Variants in CDC45 observed in about 807,000 individuals in gnomAD.
The protein encoded by CDC45 is cell division control protein 45 homolog.
Under a neutral mutation model 77.8 loss-of-function variants are expected in CDC45, and 54 were observed. That is an observed-to-expected ratio of 0.69 (90% CI 0.56 to 0.87). The LOEUF (loss-of-function observed/expected upper bound fraction) is 0.87. CDC45 is among the 40% of genes least tolerant of loss of function. CDC45 has a pLI of 0.00. For synonymous variants in CDC45, 260 were observed against 272.1 expected (o/e 0.96, Z 0.44); for missense variants, 649 against 721.6 (o/e 0.90, Z 1.15).
chr22:19,506,238 C>A (rs1408853930), intron 10 of CDC45, among the ~76,000 whole-genome samples: 1 of 152,086 alleles, frequency 6.6e-6, no homozygotes, highest in Non-Finnish European at 1.5e-5. Flanking sequence ...GTGGACACGT[C>A]AGTAGTCAGG....
intron 18 of CDC45, among the ~76,000 whole-genome samples, chr22:19,519,910 A>C (rs1432485925): frequency 6.6e-6 from 1 of 152,130 alleles, no homozygotes; most frequent in Non-Finnish European, 1.5e-5. Context: ...GGTCATCAGC[A>C]GTGACCTTGG....
At chr22:19,497,509 C>A in intron 8 of CDC45, 62 bp downstream of exon 8, 3 of 1,357,406 alleles carry the variant, frequency 2.2e-6, no homozygotes, top group South Asian at 1.2e-5. Flanking sequence ...GCCACATAAG[C>A]AGCTCTGTCC....
At chr22:19,484,333 G>A (rs928677825) in intron 5 of CDC45, among the ~76,000 whole-genome samples, 9 of 152,198 alleles carry the variant, frequency 5.9e-5, no homozygotes, top group Non-Finnish European at 1.5e-5. Flanking sequence ...CTTTTCTACT[G>A]TCTTCTAGCA....
At chr22:19,511,038 C>T (rs1933484431) in intron 13 of CDC45, among the ~76,000 whole-genome samples, 1 of 152,110 alleles carries the variant, frequency 6.6e-6, no homozygotes, top group South Asian at 2.1e-4. Flanking sequence ...GACATGGTAA[C>T]ACTAGGTTTC....
At chr22:19,483,195 G>C (rs2090011600) in intron 4 of CDC45, among the ~76,000 whole-genome samples, 1 of 152,220 alleles carries the variant, frequency 6.6e-6, no homozygotes, top group African/African-American at 2.4e-5. Context: ...CACTTTGGGA[G>C]GCCGAGGCAG....
intron 8 of CDC45, 136 bp downstream of exon 8, chr22:19,497,583 A>G (rs1469218653): frequency 1.4e-6 from 1 of 712,834 alleles, no homozygotes; most frequent in African/African-American, 1.8e-5. Context: ...CTTTCTGGGT[A>G]TGTGTGTGAT....
intron 17 of CDC45, among the ~76,000 whole-genome samples, chr22:19,518,282 C>G (rs1458690025): frequency 6.6e-6 from 1 of 152,148 alleles, no homozygotes; most frequent in East Asian, 1.9e-4. Context: ...GGGTCTGGGG[C>G]TCTCGGGGCT....
chr22:19,518,445 A>G (rs564694146), intron 17 of CDC45, among the ~76,000 whole-genome samples: 2 of 152,280 alleles, frequency 1.3e-5, no homozygotes, highest in East Asian at 3.9e-4. Context: ...GGAAGAGAAC[A>G]CTGAAGCCGA....
chr22:19,518,610 G>T (rs958686435), intron 17 of CDC45, among the ~76,000 whole-genome samples: 3 of 151,976 alleles, frequency 2.0e-5, no homozygotes. Flanking sequence ...TTGTCTTCCC[G>T]GGGGGGAGTT....
At chr22:19,496,628 T>C (rs1184504258) in intron 7 of CDC45, among the ~76,000 whole-genome samples, 2 of 152,206 alleles carry the variant, frequency 1.3e-5, no homozygotes, top group Admixed American at 6.5e-5. Context: ...CAGTCCTTGC[T>C]AATGGAAAAT....
At chr22:19,484,527 C>G (rs1447390188) in intron 5 of CDC45, among the ~76,000 whole-genome samples, 1 of 152,240 alleles carries the variant, frequency 6.6e-6, no homozygotes, top group Non-Finnish European at 1.5e-5. Context: ...CTACCCAACA[C>G]TACGGCTTCT....
intron 16 of CDC45, 64 bp downstream of exon 16, chr22:19,516,709 G>A (rs374944711): frequency 5.2e-6 from 7 of 1,356,592 alleles, no homozygotes; most frequent in Non-Finnish European, 7.2e-6. Flanking sequence ...CAGCTTATTA[G>A]CCCTGCTGAG....
At chr22:19,501,978 A>C (rs1227626849) in intron 9 of CDC45, among the ~76,000 whole-genome samples, 1 of 152,074 alleles carries the variant, frequency 6.6e-6, no homozygotes, top group African/African-American at 2.4e-5. Flanking sequence ...CAGCTTCCCA[A>C]AGTGCTGGGA....
chr22:19,486,003 C>A (rs773551353), intron 5 of CDC45, among the ~76,000 whole-genome samples: 1 of 152,204 alleles, frequency 6.6e-6, no homozygotes, highest in Non-Finnish European at 1.5e-5. Context: ...ATTGCAGAAA[C>A]TGATATTCTT....
At chr22:19,516,415 C>T (rs900337651) in intron 15 of CDC45, 112 bp from the exon 16 acceptor site, 3 of 854,376 alleles carry the variant, frequency 3.5e-6, no homozygotes, top group African/African-American at 1.7e-5. Flanking sequence ...CTGGTGACAG[C>T]GTCCCTGGAG....
intron 9 of CDC45, among the ~76,000 whole-genome samples, chr22:19,499,879 C>T (rs2090310392): frequency 6.6e-6 from 1 of 152,216 alleles, no homozygotes. Flanking sequence ...TCACCTGGCA[C>T]AGCCCTAGGC....
At chr22:19,510,959 T>C (rs774477829) in intron 13 of CDC45, among the ~76,000 whole-genome samples, 2 of 152,258 alleles carry the variant, frequency 1.3e-5, no homozygotes, top group Admixed American at 6.5e-5. Context: ...TGAACTTGCA[T>C]GTACAAGTTT....
chr22:19,481,120 C>T (rs148275782), intron 3 of CDC45, 75 bp downstream of exon 3: 18 of 943,540 alleles, frequency 1.9e-5, no homozygotes, highest in Middle Eastern at 2.1e-4. Context: ...TCTATTTCCA[C>T]GATAGATTAA....
rs940652405 is a variant in CDC45, at chr22:19,499,033, T to A, written c.654-68T>A. 23 of 1,521,416 alleles carry A rather than the reference T, an allele frequency of 1.5e-5. No individual in the cohort carries two copies. The African/African-American group carries it at 3.2e-4, about 21-fold the overall frequency. 94.2% of individuals were successfully genotyped at this position (1,521,416 alleles called of 1,614,324 possible). A position where few individuals can be genotyped will look rare whatever the true frequency, so the allele number is the denominator to read the frequency against. ...GCTTGGGCCCGTTCCATCATCTCAC[T>A]CCATCCCCCAGGCCTCATTGAGCCC... On this transcript the variant is annotated intron_variant, in intron 8 of 18. Transcript: ENST00000263201.
Sources: gnomAD v4.1 joint callset for allele counts (sites outside exome capture counted in the v4.1 genomes callset) on GRCh38, gnomAD v4.1.1 for gene constraint, MANE v1.5 for transcripts, NCBI Gene and HGNC (gene_info 2026-07-23, HGNC 2026-07-21) for gene names.